GLIS3: variants seen among roughly 807,000 people sequenced by gnomAD.
GLIS3 encodes the protein GLIS family zinc finger 3.
GLIS3 carries 53 observed loss-of-function variants against 78.6 expected under a neutral mutation model. That is an observed-to-expected ratio of 0.67 (90% CI 0.54 to 0.85). GLIS3 has a LOEUF of 0.85. Among genes scored for constraint, GLIS3 ranks in the 40% least tolerant of loss-of-function variants. The pLI is 0.00. For missense variants in GLIS3, 1,703 were observed against 1,231.1 expected (o/e 1.38, Z -5.74); for synonymous variants, 684 against 509.9 (o/e 1.34, Z -4.60).
intron 7 of GLIS3, among the ~76,000 whole-genome samples, chr9:3,882,961 A>C (rs760734976): frequency 3.3e-5 from 5 of 152,218 alleles, no homozygotes; most frequent in Non-Finnish European, 7.3e-5. Flanking sequence ...TTGCATGCCA[A>C]GTCCAGGCCA....
intron 3 of GLIS3, among the ~76,000 whole-genome samples, chr9:4,125,295 A>T (rs1832485030): frequency 6.6e-6 from 1 of 152,216 alleles, no homozygotes; most frequent in Admixed American, 6.5e-5. Context: ...GGGTAGCTGG[A>T]TGGATGCACA....
chr9:4,332,422 C>CT (rs1369703974), intron 2 of GLIS3, among the ~76,000 whole-genome samples: 2 of 152,204 alleles, frequency 1.3e-5, no homozygotes, highest in Non-Finnish European at 2.9e-5. Context: ...CCCTGCCTTC[C>CT]TTATAGCTGA....
At chr9:4,002,208 G>C (rs563852971) in intron 4 of GLIS3, among the ~76,000 whole-genome samples, 26 of 152,282 alleles carry the variant, frequency 1.7e-4, no homozygotes, top group African/African-American at 4.1e-4. Context: ...ACATGAGTAA[G>C]AGGTCACAAG....
chr9:4,340,796 G>A (rs568195888), intron 2 of GLIS3, among the ~76,000 whole-genome samples: 1 of 152,148 alleles, frequency 6.6e-6, no homozygotes, highest in Non-Finnish European at 1.5e-5. Flanking sequence ...CTGGGTTCAA[G>A]CAATTGTCCC....
At chr9:4,389,949 T>C in the GLIS3 span, among the ~76,000 whole-genome samples, 132 of 152,342 alleles carry the variant, frequency 8.7e-4, no homozygotes, top group East Asian at 3.1e-3. Context: ...GTGACACATA[T>C]AGAACGTTCT....
rs145505231 is a variant in GLIS3 at position 4,010,886 on chromosome 9, A to G, written c.1711-73697T>C. ...GGTTCCAAAGTCCTACCGTTAGGAA[A>G]ATGTTCCTGGGAGTAATCACGCACT... On this transcript the variant is annotated intron_variant, in intron 4 of 10. Transcript: ENST00000381971. Among the ~76,000 whole-genome samples, 22 of 152,302 alleles carry G rather than the reference A, an allele frequency of 1.4e-4. No individual in the cohort carries two copies. In the East Asian group the frequency reaches 3.9e-3, roughly 27 times the overall value.
intron 4 of GLIS3, among the ~76,000 whole-genome samples, chr9:3,979,084 A>G (rs1819029536): frequency 6.6e-6 from 1 of 152,144 alleles, no homozygotes. Flanking sequence ...CCAATTTTGC[A>G]TGGATACTTA....
At chr9:4,446,778 T>TCCCAAGGGATTACAATCCCAA in the GLIS3 span, among the ~76,000 whole-genome samples, 1 of 151,822 alleles carries the variant, frequency 6.6e-6, no homozygotes, top group Non-Finnish European at 1.5e-5. Context: ...CCCAAGGGGC[T>TCCCAAGGGATTACAATCCCAA]GGGATTACAG....
the GLIS3 span, among the ~76,000 whole-genome samples, chr9:4,468,582 T>C: frequency 6.6e-6 from 1 of 152,126 alleles, no homozygotes; most frequent in African/African-American, 2.4e-5. Flanking sequence ...GAAAAGCAAA[T>C]GCTGAGAGAT....
intron 2 of GLIS3, among the ~76,000 whole-genome samples, chr9:4,325,627 T>A (rs539570696): frequency 3.3e-5 from 5 of 152,354 alleles, no homozygotes; most frequent in African/African-American, 1.2e-4. Context: ...TCATTAGCAC[T>A]GGAACCAGAC....
intron 2 of GLIS3, among the ~76,000 whole-genome samples, chr9:4,321,179 G>C (rs894542952): frequency 4.7e-5 from 7 of 150,288 alleles, no homozygotes; most frequent in African/African-American, 1.7e-4. Context: ...CCAGCACTTT[G>C]GGAGGCCGAG....
chr9:4,063,575 G>C, intron 4 of GLIS3, among the ~76,000 whole-genome samples: 1 of 151,934 alleles, frequency 6.6e-6, no homozygotes, highest in East Asian at 1.9e-4. Context: ...AAAAAAAATG[G>C]TGTTGTATTA....
At position 3,827,974 on chromosome 9, in the gene GLIS3, AG is replaced by A. The variant is rs1344455456; in HGVS notation, c.*297del. ...CACATCATTTCACTGGGGTCCTTTA[AG>A]GGTTGACAGCCAGGAAGTAACAGGT... On this transcript the variant is annotated 3_prime_UTR_variant, in exon 11 of 11. Coordinates refer to ENST00000381971, the MANE Select transcript of GLIS3 (RefSeq NM_001042413.2). 7 of 438,506 alleles carry A rather than the reference AG, an allele frequency of 1.6e-5. No homozygotes were observed. The highest frequency in any genetic ancestry group is 6.8e-4 in the Middle Eastern group (1 of 1,478). The allele number at this position is 438,506 out of a possible 1,614,324, so 27.2% of individuals were successfully genotyped here.
At chr9:4,386,727 G>T in the GLIS3 span, among the ~76,000 whole-genome samples, 2 of 152,158 alleles carry the variant, frequency 1.3e-5, no homozygotes, top group Non-Finnish European at 1.5e-5. Context: ...ATGACATAAA[G>T]TTACAAAGTC....
chr9:4,046,986 C>G (rs1825303783), intron 4 of GLIS3, among the ~76,000 whole-genome samples: 2 of 152,120 alleles, frequency 1.3e-5, no homozygotes, highest in Admixed American at 1.3e-4. Context: ...GGAAAGTTGT[C>G]GGAGTGTAGA....
intron 4 of GLIS3, among the ~76,000 whole-genome samples, chr9:3,987,685 GA>G (rs2129709514): frequency 8.3e-6 from 1 of 120,404 alleles, no homozygotes; most frequent in South Asian, 2.9e-4. Flanking sequence ...CGACAAGAGT[GA>G]AACAACGTTT....
rs138524580 is a variant in GLIS3, at chr9:3,957,904, C to T, written c.1711-20715G>A. On this transcript the variant is annotated intron_variant, in intron 4 of 10. Transcript: ENST00000381971. Reference sequence around the variant, plus strand: ...GCCCATGTTGCAAATCAGGGAGCTTCGTGGGACTGGCAACCAAGACCCCAA... The same window carrying T: ...GCCCATGTTGCAAATCAGGGAGCTTTGTGGGACTGGCAACCAAGACCCCAA... Among the ~76,000 whole-genome samples, 183 of 152,264 alleles carry T rather than the reference C, an allele frequency of 1.2e-3. 1 individual carries two copies. Among genetic ancestry groups the T allele is most frequent in the African/African-American group, 4.3e-3 (177 of 41,556 alleles).
At chr9:4,206,300 G>C (rs1004886827) in intron 2 of GLIS3, among the ~76,000 whole-genome samples, 5 of 152,170 alleles carry the variant, frequency 3.3e-5, no homozygotes, top group African/African-American at 1.2e-4. Context: ...AGCTCAGAGA[G>C]GCTGTAATGA....
At chr9:4,152,257 G>A (rs1454355706) in intron 2 of GLIS3, 4 of 262,080 alleles carry the variant, frequency 1.5e-5, no homozygotes, top group Non-Finnish European at 2.4e-5. Context: ...TTGTGAGGCA[G>A]GGTTCTTGTT....
Sources: allele counts gnomAD v4.1 joint callset (sites outside exome capture counted in the v4.1 genomes callset), GRCh38; gene constraint gnomAD v4.1.1; transcripts MANE v1.5; gene names NCBI Gene and HGNC (gene_info 2026-07-23, HGNC 2026-07-21).